The following CCSER1 variants were observed in gnomAD, a reference collection of about 807,000 sequenced individuals.
The protein encoded by CCSER1 is coiled-coil serine rich protein 1.
CCSER1 carries 41 observed loss-of-function variants against 82.0 expected under a neutral mutation model. The observed-to-expected ratio is 0.50, with a 90% CI of 0.39 to 0.65. The LOEUF (loss-of-function observed/expected upper bound fraction) is 0.65, where lower values mean the gene tolerates loss of function less well. Among genes scored for constraint, CCSER1 ranks in the 30% least tolerant of loss-of-function variants. The pLI is 0.00. For missense variants in CCSER1, 1,119 were observed against 1,064.2 expected (o/e 1.05, Z -0.72); for synonymous variants, 414 against 383.9 (o/e 1.08, Z -0.92).
intron 10 of CCSER1, among the ~76,000 whole-genome samples, chr4:91,389,622 T>G (rs1338187619): frequency 1.3e-5 from 2 of 151,992 alleles, no homozygotes; most frequent in Admixed American, 6.6e-5. Flanking sequence ...CAAAACAACT[T>G]GCTGAGATTT....
chr4:91,225,501 C>T (rs1468684726), intron 10 of CCSER1, among the ~76,000 whole-genome samples: 17 of 148,388 alleles, frequency 1.1e-4, no homozygotes, highest in Non-Finnish European at 9.0e-5. Context: ...ATATTTTTTC[C>T]ATAGGAATAA....
intron 10 of CCSER1, among the ~76,000 whole-genome samples, chr4:91,402,852 T>C (rs186711096): frequency 3.9e-5 from 6 of 152,302 alleles, no homozygotes; most frequent in African/African-American, 1.2e-4. Context: ...TTGTTCCTTT[T>C]GCTTAGGATT....
At chr4:90,918,858 GATA>G (rs1342113574) in intron 8 of CCSER1, among the ~76,000 whole-genome samples, 1 of 151,714 alleles carries the variant, frequency 6.6e-6, no homozygotes, top group South Asian at 2.1e-4. Flanking sequence ...TGCTTGAACT[GATA>G]ATATCATTGC....
intron 7 of CCSER1, among the ~76,000 whole-genome samples, chr4:90,802,956 CTGTT>C (rs1455191774): frequency 2.7e-5 from 4 of 150,380 alleles, no homozygotes; most frequent in Admixed American, 6.6e-5. Flanking sequence ...ATAAAGTTGT[CTGTT>C]TTCTTTGTTT....
At chr4:90,961,226 C>A (rs1238958006) in intron 9 of CCSER1, among the ~76,000 whole-genome samples, 1 of 152,106 alleles carries the variant, frequency 6.6e-6, no homozygotes, top group Non-Finnish European at 1.5e-5. Flanking sequence ...TAGTTACACC[C>A]AGATCCCCTT....
chr4:90,331,333 A>G (rs1255203468), intron 3 of CCSER1, among the ~76,000 whole-genome samples: 4 of 152,184 alleles, frequency 2.6e-5, no homozygotes, highest in African/African-American at 9.6e-5. Flanking sequence ...CTAATGGACA[A>G]ATAAAGTAAA....
intron 10 of CCSER1, among the ~76,000 whole-genome samples, chr4:91,130,215 A>T (rs1361965243): frequency 2.0e-5 from 3 of 152,070 alleles, no homozygotes; most frequent in South Asian, 2.1e-4. Flanking sequence ...AAAAGTATTT[A>T]AAAAAGTAAA....
At chr4:90,433,434 T>C (rs985115597) in intron 4 of CCSER1, among the ~76,000 whole-genome samples, 2 of 152,244 alleles carry the variant, frequency 1.3e-5, no homozygotes, top group African/African-American at 4.8e-5. Flanking sequence ...TCTTAAAGTA[T>C]GGTCAAGGGA....
At chr4:91,403,764 A>G (rs1310604984) in intron 10 of CCSER1, among the ~76,000 whole-genome samples, 3 of 152,152 alleles carry the variant, frequency 2.0e-5, no homozygotes, top group Non-Finnish European at 4.4e-5. Flanking sequence ...CATCATGGAT[A>G]AGCTTTTTGA....
At chr4:90,848,935 T>C (rs950522000) in intron 8 of CCSER1, among the ~76,000 whole-genome samples, 1 of 152,256 alleles carries the variant, frequency 6.6e-6, no homozygotes. Context: ...CCTTCTGCCA[T>C]GTTTGTAAGT....
intron 6 of CCSER1, 62 bp from the exon 7 acceptor site, chr4:90,723,852 T>G (rs1743150400): frequency 1.4e-6 from 1 of 700,248 alleles, no homozygotes; most frequent in Non-Finnish European, 2.2e-6. Context: ...TTTTCTAAAT[T>G]ATGAATAGTC....
At chr4:91,523,138 G>GT (rs1217278397) in intron 10 of CCSER1, among the ~76,000 whole-genome samples, 1 of 151,484 alleles carries the variant, frequency 6.6e-6, no homozygotes, top group Non-Finnish European at 1.5e-5. Flanking sequence ...TAATAATGTG[G>GT]TTTTGTCGTT....
intron 10 of CCSER1, among the ~76,000 whole-genome samples, chr4:91,229,588 A>T (rs1398452582): frequency 6.6e-6 from 1 of 152,102 alleles, no homozygotes; most frequent in Non-Finnish European, 1.5e-5. Flanking sequence ...ACCAACCCAA[A>T]TGCCCATCAA....
At chr4:90,398,497 C>G (rs1034501015) in intron 3 of CCSER1, among the ~76,000 whole-genome samples, 1 of 152,246 alleles carries the variant, frequency 6.6e-6, no homozygotes, top group Non-Finnish European at 1.5e-5. Context: ...TTGATAAACA[C>G]TCACATCAGT....
At chr4:90,203,061 G>A (rs1359758801) in intron 1 of CCSER1, among the ~76,000 whole-genome samples, 1 of 152,028 alleles carries the variant, frequency 6.6e-6, no homozygotes, top group African/African-American at 2.4e-5. Context: ...CACTCACAAG[G>A]TACATGCCTA....
chr4:91,531,359 A>G (rs1477992012), intron 10 of CCSER1, among the ~76,000 whole-genome samples: 1 of 152,196 alleles, frequency 6.6e-6, no homozygotes, highest in Non-Finnish European at 1.5e-5. Context: ...TAGTAGTTGA[A>G]GTTTTTATAA....
At chr4:90,385,968 A>G (rs549700555) in intron 3 of CCSER1, among the ~76,000 whole-genome samples, 15 of 152,160 alleles carry the variant, frequency 9.9e-5, no homozygotes, top group Non-Finnish European at 2.2e-4. Context: ...AAAGATCTCT[A>G]CAAGAAGAAC....
At chr4:91,210,786 G>A (rs2149084008) in intron 10 of CCSER1, among the ~76,000 whole-genome samples, 1 of 151,958 alleles carries the variant, frequency 6.6e-6, no homozygotes, top group Non-Finnish European at 1.5e-5. Context: ...TATTTAGACA[G>A]TCTGTATAAC....
chr4:90,771,924 G>A (rs1453411839), intron 7 of CCSER1, among the ~76,000 whole-genome samples: 1 of 152,110 alleles, frequency 6.6e-6, no homozygotes, highest in African/African-American at 2.4e-5. Context: ...CATATAGCCA[G>A]TATAAATTTT....
Sources: allele counts gnomAD v4.1 joint callset (sites outside exome capture counted in the v4.1 genomes callset), GRCh38; gene constraint gnomAD v4.1.1; transcripts MANE v1.5; gene names NCBI Gene and HGNC (gene_info 2026-07-23, HGNC 2026-07-21).